Variants in CACNA1C observed in about 807,000 individuals in gnomAD.
CACNA1C encodes the protein calcium voltage-gated channel subunit alpha1 C.
A neutral mutation model predicts 229.0 loss-of-function variants in CACNA1C; 30 were observed. That is an observed-to-expected ratio of 0.13 (90% CI 0.10 to 0.18). CACNA1C has a LOEUF of 0.18. Ranked by LOEUF, CACNA1C falls within the 10% of genes least tolerant of loss-of-function variation. CACNA1C has a pLI of 1.00. For missense variants in CACNA1C, 1,658 were observed against 2,845.0 expected (o/e 0.58, Z 9.49); for synonymous variants, 1,114 against 1,132.5 (o/e 0.98, Z 0.33).
At chr12:2,442,517 T>C (rs1004464233) in intron 3 of CACNA1C, among the ~76,000 whole-genome samples, 7 of 152,208 alleles carry the variant, frequency 4.6e-5, no homozygotes, top group Non-Finnish European at 1.5e-5. Context: ...TCAGCCTGCC[T>C]CAAGGCTGGC....
intron 3 of CACNA1C, among the ~76,000 whole-genome samples, chr12:2,302,696 G>A (rs1442052931): frequency 3.9e-5 from 6 of 152,146 alleles, no homozygotes; most frequent in East Asian, 3.9e-4. Context: ...TAGCTTATTC[G>A]CCAAAATGTA....
rs115438286 is a variant in CACNA1C at position 2,310,684 on chromosome 12, A to T, written c.478-138292A>T. ...AAAGGCAGGGGGATGGACTAGAGGA[A>T]ACCTGCAAGGGCTTTCGACTCACAG... On this transcript the variant is annotated intron_variant, in intron 3 of 46. Coordinates refer to ENST00000399655, the MANE Select transcript of CACNA1C (RefSeq NM_000719.7). Among the ~76,000 whole-genome samples the T allele has an allele frequency of 6.4e-3, 969 of 152,270 alleles. 7 individuals carry two copies. The highest frequency in any genetic ancestry group is 0.022 in the African/African-American group (916 of 41,542).
chr12:2,099,835 A>G (rs113481186), intron 1 of CACNA1C, among the ~76,000 whole-genome samples: 1 of 152,088 alleles, frequency 6.6e-6, no homozygotes, highest in African/African-American at 2.4e-5. Flanking sequence ...AGGGAAACAC[A>G]GGCAGCTCCT....
At chr12:2,068,086 G>A (rs753155474) in intron 1 of CACNA1C, among the ~76,000 whole-genome samples, 7 of 152,142 alleles carry the variant, frequency 4.6e-5, no homozygotes, top group Non-Finnish European at 1.0e-4. Context: ...CCTCTGGTTG[G>A]ATCCCACTTG....
chr12:2,398,208 C>G (rs548427102), intron 3 of CACNA1C, among the ~76,000 whole-genome samples: 1 of 152,350 alleles, frequency 6.6e-6, no homozygotes, highest in South Asian at 2.1e-4. Context: ...TGGGCAAAAT[C>G]CAATAGCCCA....
At chr12:2,196,812 G>A (rs761002767) in intron 3 of CACNA1C, among the ~76,000 whole-genome samples, 13 of 152,170 alleles carry the variant, frequency 8.5e-5, no homozygotes, top group Non-Finnish European at 1.5e-4. Context: ...AGAGCAGCAG[G>A]GTTTAGCCTT....
At chr12:2,497,815 C>G (rs982983641) in intron 7 of CACNA1C, among the ~76,000 whole-genome samples, 1 of 152,126 alleles carries the variant, frequency 6.6e-6, no homozygotes, top group Admixed American at 6.5e-5. Flanking sequence ...AGTGTGTTCT[C>G]TAGAACCTGG....
At chr12:2,163,666 G>A (rs961152711) in intron 3 of CACNA1C, among the ~76,000 whole-genome samples, 2 of 152,204 alleles carry the variant, frequency 1.3e-5, no homozygotes, top group South Asian at 4.1e-4. Context: ...TTTGGCAGGC[G>A]AGTTGACCAT....
At chr12:2,185,551 AAAG>A (rs1284336039) in intron 3 of CACNA1C, among the ~76,000 whole-genome samples, 4 of 152,328 alleles carry the variant, frequency 2.6e-5, no homozygotes, top group African/African-American at 9.6e-5. Flanking sequence ...GGATTTATAA[AAAG>A]AAGAAACTTG....
At chr12:2,314,681 G>A (rs1200886759) in intron 3 of CACNA1C, among the ~76,000 whole-genome samples, 1 of 152,054 alleles carries the variant, frequency 6.6e-6, no homozygotes, top group Non-Finnish European at 1.5e-5. Flanking sequence ...CATGTTCATC[G>A]GTGTATAGTA....
At chr12:1,993,417 A>T in intron 1 of CACNA1C, 1 of 1,603,236 alleles carries the variant, frequency 6.2e-7, no homozygotes, top group Non-Finnish European at 8.5e-7. Context: ...AGTCAGGGGG[A>T]AATCAATAGA....
chr12:2,373,093 A>G (rs1038102319), intron 3 of CACNA1C, among the ~76,000 whole-genome samples: 45 of 152,208 alleles, frequency 3.0e-4, no homozygotes, highest in African/African-American at 1.1e-3. Flanking sequence ...ATCGTTACTG[A>G]CAGGAAAGCA....
rs2092910040 is a variant in CACNA1C at position 2,287,679 on chromosome 12, G to A, written c.478-161297G>A. On this transcript the variant is annotated intron_variant, in intron 3 of 46. Transcript: ENST00000399655. The surrounding 1 kb of genome is among the most constrained non-coding windows in gnomAD (Gnocchi z 4.6). ...GCCAGGATCCTACAGTCTACTCCAC[G>A]CCCTTCATTTTCAAACTTGAGTGGG... Among the ~76,000 whole-genome samples, 1 of 152,124 alleles carries A rather than the reference G, an allele frequency of 6.6e-6. No homozygotes were observed. Among genetic ancestry groups the A allele is most frequent in the Non-Finnish European group, 1.5e-5 (1 of 68,024 alleles).
chr12:2,071,312 G>A (rs1017981139), intron 1 of CACNA1C, among the ~76,000 whole-genome samples: 2 of 151,042 alleles, frequency 1.3e-5, no homozygotes, highest in African/African-American at 4.9e-5. Flanking sequence ...TGACCTCCCA[G>A]GCTCAAGCAA....
At chr12:2,124,763 C>T (rs2239136) in intron 3 of CACNA1C, among the ~76,000 whole-genome samples, 102,232 of 151,844 alleles carry the variant, frequency 0.67, 35,134 homozygotes, top group Non-Finnish European at 0.74. Context: ...GATGGTGATA[C>T]GAGGAGCCAG....
intron 3 of CACNA1C, among the ~76,000 whole-genome samples, chr12:2,125,362 T>C (rs2089573360): frequency 6.6e-6 from 1 of 152,164 alleles, no homozygotes; most frequent in South Asian, 2.1e-4. Context: ...CCTGAAGTAG[T>C]AGGTGCATGA....
chr12:2,442,107 C>T (rs2099234117), intron 3 of CACNA1C, among the ~76,000 whole-genome samples: 1 of 152,198 alleles, frequency 6.6e-6, no homozygotes, highest in Non-Finnish European at 1.5e-5. Context: ...CATTCAAAGA[C>T]TTCTCATCAG....
chr12:2,395,490 C>G (rs1352240449), intron 3 of CACNA1C, among the ~76,000 whole-genome samples: 6 of 152,082 alleles, frequency 3.9e-5, no homozygotes, highest in Admixed American at 3.9e-4. Flanking sequence ...AAGTGACCAG[C>G]CTTATTTTAA....
chr12:2,595,763 A>T lies in CACNA1C; in HGVS notation c.2664-111A>T, dbSNP rs1198042572. The T allele has an allele frequency of 4.1e-6, 4 of 985,848 alleles. No homozygotes were observed. The highest frequency in any genetic ancestry group is 6.0e-6 in the Non-Finnish European group (4 of 665,150). 61.1% of individuals were successfully genotyped at this position (985,848 alleles called of 1,614,324 possible). On this transcript the variant is annotated intron_variant, in intron 19 of 46. Transcript: ENST00000399655. The surrounding 1 kb of genome is among the most constrained non-coding windows in gnomAD (Gnocchi z 4.1). ...AAGAGGTCACTTCAGGCCAACAAGC[A>T]CCTGTTGCCAGCTGCTGGGGAGAGC...
Sources: allele counts gnomAD v4.1 joint callset (sites outside exome capture counted in the v4.1 genomes callset), GRCh38; gene constraint gnomAD v4.1.1; non-coding constraint Gnocchi (gnomAD v3.1); transcripts MANE v1.5; gene names NCBI Gene and HGNC (gene_info 2026-07-23, HGNC 2026-07-21).